ADGB: variants seen among roughly 807,000 people sequenced by gnomAD.
ADGB encodes androglobin.
Under a neutral mutation model 210.5 loss-of-function variants are expected in ADGB, and 172 were observed. That is an observed-to-expected ratio of 0.82 (90% CI 0.72 to 0.93). ADGB has a LOEUF of 0.93. Among genes scored for constraint, ADGB ranks in the 40% least tolerant of loss-of-function variants. The probability of loss-of-function intolerance (pLI) is 0.00; values close to 1 mark genes in which losing one functional copy is unlikely to be tolerated. For synonymous variants in ADGB, 658 were observed against 662.7 expected, an observed-to-expected ratio of 0.99 and a Z score of 0.11; for missense variants, 2,025 against 1,964.8, an observed-to-expected ratio of 1.03 and a Z score of -0.58.
chr6:146,767,469 C>A (rs1777593634), intron 28 of ADGB, among the ~76,000 whole-genome samples: 1 of 152,094 alleles, frequency 6.6e-6, no homozygotes, highest in Non-Finnish European at 1.5e-5. Flanking sequence ...GAATTCTCCC[C>A]ATCAACTTTT....
chr6:146,694,306 A>G (rs1387647820), intron 12 of ADGB, among the ~76,000 whole-genome samples: 2 of 152,176 alleles, frequency 1.3e-5, no homozygotes, highest in Non-Finnish European at 2.9e-5. Context: ...CAAGAACTGC[A>G]CGCCAGCAGA....
chr6:146,787,922 GAA>G (rs67342905), intron 32 of ADGB, among the ~76,000 whole-genome samples: 10,404 of 152,152 alleles, frequency 0.068, 366 homozygotes, highest in Middle Eastern at 0.089. Flanking sequence ...AGAGTATCAA[GAA>G]AAAACTTCCC....
rs951220253 is a variant in ADGB, at chr6:146,691,173, G to T, written c.1369G>T (p.Val457Leu). 9.0e-6 allele frequency: 14 copies of T among 1,549,622 alleles called. No homozygotes were observed. The highest frequency in any genetic ancestry group is 1.1e-5 in the Non-Finnish European group (13 of 1,146,344). The part of the protein sequence containing the change: ...YGLSHICSHP[V>L]LVTRSRSCPL... ...GCTTTCCCACATCTGTAGCCATCCT[G>T]TGCTGGTGACTAGAAGTAGGTCTTG... Residue 457 changes from valine (V) to leucine (L), a missense_variant, in exon 11 of 36, where the codon GTG (valine) becomes TTG (leucine). Coordinates refer to ENST00000397944, the MANE Select transcript of ADGB (RefSeq NM_024694.4).
At chr6:146,736,388 C>G (rs984010951) in intron 22 of ADGB, 110 bp from the exon 23 acceptor site, 8 of 675,646 alleles carry the variant, frequency 1.2e-5, no homozygotes, top group Non-Finnish European at 1.7e-5. Context: ...ACTTTGAATA[C>G]CATCTTACTT....
At chr6:146,621,058 T>TA (rs960424125) in intron 1 of ADGB, among the ~76,000 whole-genome samples, 15 of 152,194 alleles carry the variant, frequency 9.9e-5, no homozygotes, top group Non-Finnish European at 1.6e-4. Context: ...GTTGCCCTGT[T>TA]ACTGTTTCCT....
chr6:146,805,757 TTA>T, intron 35 of ADGB, among the ~76,000 whole-genome samples: 1 of 152,094 alleles, frequency 6.6e-6, no homozygotes, highest in Non-Finnish European at 1.5e-5. Context: ...GGGTCACTTA[TTA>T]GAGAGATCTT....
chr6:146,790,395 T>G (rs1777937428), intron 33 of ADGB, among the ~76,000 whole-genome samples: 1 of 152,114 alleles, frequency 6.6e-6, no homozygotes, highest in South Asian at 2.1e-4. Flanking sequence ...TATCTATATC[T>G]ACAAGTTCAA....
chr6:146,619,950 T>C (rs1423732004), intron 1 of ADGB, among the ~76,000 whole-genome samples: 2 of 152,112 alleles, frequency 1.3e-5, no homozygotes, highest in Non-Finnish European at 2.9e-5. Flanking sequence ...GTATTTCGTG[T>C]AAGACAAGTC....
intron 10 of ADGB, among the ~76,000 whole-genome samples, chr6:146,690,622 G>A (rs1212580207): frequency 1.1e-4 from 17 of 152,164 alleles, no homozygotes; most frequent in Admixed American, 9.2e-4. Flanking sequence ...GTGTAATCAT[G>A]GGGATCTTAT....
Position 146,728,710 on chromosome 6 carries a change from AT to A in ADGB, c.2490del (p.His830GlnfsTer5). On this transcript the variant is annotated frameshift_variant, in exon 20 of 36. Transcript: ENST00000397944. LOFTEE classifies it high-confidence loss of function. ...LQTAHYPVPF[H>X]DKELTAQHFR... ...ACAGCTCACTACCCTGTCCCCTTCC[AT>A]GATAAAGAACTAACTGCACAGCACT... The A allele has an allele frequency of 3.9e-6, 6 of 1,550,962 alleles. No individual in the cohort carries two copies. Among genetic ancestry groups the A allele is most frequent in the Non-Finnish European group, 5.2e-6 (6 of 1,146,510 alleles).
rs949331330 is a variant in ADGB, at chr6:146,785,554, G to A, written c.4213-56G>A. On this transcript the variant is annotated intron_variant, in intron 31 of 35. Transcript: ENST00000397944. ...TGAATACCATTAACATGTATTACCT[G>A]TACTGGTTGTTGCTTTTGAAGAGCT... 9 of 1,360,822 alleles carry A rather than the reference G, an allele frequency of 6.6e-6. No individual in the cohort carries two copies. The African/African-American group carries it at 1.2e-4, about 18-fold the overall frequency. 84.3% of individuals were successfully genotyped at this position (1,360,822 alleles called of 1,614,324 possible). A position where few individuals can be genotyped will look rare whatever the true frequency, so the allele number is the denominator to read the frequency against.
chr6:146,815,271 T>C lies in ADGB; in HGVS notation c.*54T>C, dbSNP rs1778373878. 7.3e-7 allele frequency: 1 copy of C among 1,371,368 alleles called. No homozygotes were observed. Among genetic ancestry groups the C allele is most frequent in the Non-Finnish European group, 9.6e-7 (1 of 1,046,320 alleles). 84.9% of individuals were successfully genotyped at this position (1,371,368 alleles called of 1,614,324 possible). On this transcript the variant is annotated 3_prime_UTR_variant, in exon 36 of 36. Coordinates refer to ENST00000397944, the MANE Select transcript of ADGB (RefSeq NM_024694.4). The stretch of plus-strand genomic sequence containing the variant: ...CTGGAGAGAAAAAATCTATTTGTAA[T>C]GATCTTTAACTGCCTGCTGTTAAGA...
intron 26 of ADGB, among the ~76,000 whole-genome samples, chr6:146,752,165 AGT>A (rs1175814764): frequency 6.6e-6 from 1 of 151,986 alleles, no homozygotes; most frequent in East Asian, 1.9e-4. Flanking sequence ...GCATCTGCTC[AGT>A]GTCTAGGGAG....
intron 22 of ADGB, among the ~76,000 whole-genome samples, chr6:146,734,956 A>T (rs1275994088): frequency 6.6e-6 from 1 of 152,050 alleles, no homozygotes; most frequent in African/African-American, 2.4e-5. Context: ...AATTATTTTC[A>T]TTCTGTGGTT....
At chr6:146,782,794 A>G (rs890348455) in intron 30 of ADGB, among the ~76,000 whole-genome samples, 5 of 152,162 alleles carry the variant, frequency 3.3e-5, no homozygotes, top group Admixed American at 2.6e-4. Context: ...GAAAATTGCC[A>G]TGATTAGGGG....
At position 146,812,723 on chromosome 6, in the gene ADGB, G is replaced by A. The variant is rs137953221; in HGVS notation, c.4819-2309G>A. On this transcript the variant is annotated intron_variant, in intron 35 of 35. Coordinates refer to ENST00000397944, the MANE Select transcript of ADGB (RefSeq NM_024694.4). ...AATCTAACAGACTTTAGTTTTAGGTGCTAGATTTGGATTGCAGATCTAAAG... is the reference window on the plus strand; with the variant it reads ...AATCTAACAGACTTTAGTTTTAGGTACTAGATTTGGATTGCAGATCTAAAG... Among the ~76,000 whole-genome samples the A allele has an allele frequency of 3.1e-3, 467 of 152,282 alleles. 1 individual carries two copies. The highest frequency in any genetic ancestry group is 5.9e-3 in the Admixed American group (90 of 15,302).
At position 146,740,537 on chromosome 6, in the gene ADGB, A is replaced by G. The variant is rs1395459311; in HGVS notation, c.2967A>G (p.Ala989=). ...ATGAAGAAACTAAGATTGCTTTTGC[A>G]GATTATACTGTGACTTATCAAGAAC... The part of the protein sequence containing the change: ...YQDEETKIAF[A]DYTVTYQEQP... The change falls in exon 24 of 36, where the codon GCA becomes GCG. Residue 989 remains alanine, a synonymous_variant. Transcript: ENST00000397944. The G allele has an allele frequency of 6.4e-7, 1 of 1,550,864 alleles. No homozygotes were observed. Among genetic ancestry groups the G allele is most frequent in the Non-Finnish European group, 8.7e-7 (1 of 1,146,482 alleles).
At chr6:146,630,406 A>C (rs1349285090) in intron 1 of ADGB, among the ~76,000 whole-genome samples, 1 of 152,010 alleles carries the variant, frequency 6.6e-6, no homozygotes, top group Non-Finnish European at 1.5e-5. Flanking sequence ...GAGAATACAA[A>C]TACTTATAAA....
chr6:146,808,114 C>A (rs891892452), intron 35 of ADGB, among the ~76,000 whole-genome samples: 27 of 151,390 alleles, frequency 1.8e-4, no homozygotes, highest in Admixed American at 1.7e-3. Flanking sequence ...ATTCTCCTGC[C>A]TCAGCTTGCT....
Sources: gnomAD v4.1 joint callset for allele counts (sites outside exome capture counted in the v4.1 genomes callset) on GRCh38, gnomAD v4.1.1 for gene constraint, MANE v1.5 for transcripts, NCBI Gene and HGNC (gene_info 2026-07-23, HGNC 2026-07-21) for gene names.